The following ALK variants were observed in gnomAD, a reference collection of about 807,000 sequenced individuals.
The protein encoded by ALK is ALK tyrosine kinase receptor.
Under a neutral mutation model 163.1 loss-of-function variants are expected in ALK, and 74 were observed. That is an observed-to-expected ratio of 0.45 (90% confidence interval 0.38 to 0.55). The LOEUF (loss-of-function observed/expected upper bound fraction) is 0.55, where lower values mean the gene tolerates loss of function less well. Ranked by LOEUF, ALK falls within the 20% of genes least tolerant of loss-of-function variation. The pLI is 0.00. For missense variants in ALK, 2,063 were observed against 2,105.3 expected (o/e 0.98, Z 0.39); for synonymous variants, 960 against 843.2 (o/e 1.14, Z -2.40).
At chr2:29,328,021 C>T (rs532725212) in intron 6 of ALK, among the ~76,000 whole-genome samples, 6 of 152,054 alleles carry the variant, frequency 3.9e-5, no homozygotes, top group Non-Finnish European at 8.8e-5. Context: ...ACTTGGAAGG[C>T]GAGGGAAGTC....
At chr2:29,376,773 G>A (rs1353090727) in intron 5 of ALK, among the ~76,000 whole-genome samples, 1 of 152,204 alleles carries the variant, frequency 6.6e-6, no homozygotes, top group Non-Finnish European at 1.5e-5. Flanking sequence ...TTACCCAGCT[G>A]GATTTTGGAG....
At chr2:29,825,732 T>C (rs1463993657) in intron 1 of ALK, among the ~76,000 whole-genome samples, 1 of 151,972 alleles carries the variant, frequency 6.6e-6, no homozygotes, top group African/African-American at 2.4e-5. Context: ...TTTAAATCGT[T>C]GTGTACCAAA....
chr2:29,649,237 AG>A (rs1211620911), intron 3 of ALK, among the ~76,000 whole-genome samples: 73 of 151,550 alleles, frequency 4.8e-4, no homozygotes, highest in Admixed American at 2.4e-3. Flanking sequence ...AGAGAGAGAG[AG>A]AGAGAAAGTG....
chr2:29,647,580 C>T (rs925580755), intron 3 of ALK, among the ~76,000 whole-genome samples: 1 of 152,078 alleles, frequency 6.6e-6, no homozygotes, highest in Non-Finnish European at 1.5e-5. Flanking sequence ...TCTCTTTCAT[C>T]CCACCTCAAG....
At chr2:29,392,018 G>A (rs537710434) in intron 4 of ALK, among the ~76,000 whole-genome samples, 10 of 150,114 alleles carry the variant, frequency 6.7e-5, no homozygotes, top group Non-Finnish European at 1.3e-4. Context: ...AAGCATTAGC[G>A]GATGCTGTTG....
At chr2:29,848,382 C>T (rs899709847) in intron 1 of ALK, among the ~76,000 whole-genome samples, 1 of 150,144 alleles carries the variant, frequency 6.7e-6, no homozygotes, top group Non-Finnish European at 1.5e-5. Flanking sequence ...AGTTTGAGAA[C>T]CACTGAGCTA....
intron 2 of ALK, among the ~76,000 whole-genome samples, chr2:29,716,936 A>G (rs1036786880): frequency 6.7e-6 from 1 of 148,222 alleles, no homozygotes; most frequent in Non-Finnish European, 1.5e-5. Context: ...CGAGGTCAGG[A>G]GATCAAGACC....
At chr2:29,400,724 G>A (rs1266560996) in intron 4 of ALK, among the ~76,000 whole-genome samples, 1 of 152,108 alleles carries the variant, frequency 6.6e-6, no homozygotes, top group Non-Finnish European at 1.5e-5. Context: ...CCTGTGGTCC[G>A]GGTACCTTGG....
chr2:29,754,695 A>G (rs1401483799), intron 1 of ALK, among the ~76,000 whole-genome samples: 1 of 151,514 alleles, frequency 6.6e-6, no homozygotes, highest in African/African-American at 2.4e-5. Context: ...GTCTCAAAAT[A>G]ATAATAATAA....
chr2:29,426,899 A>G (rs1018091420), intron 4 of ALK, among the ~76,000 whole-genome samples: 1 of 151,736 alleles, frequency 6.6e-6, no homozygotes, highest in Non-Finnish European at 1.5e-5. Context: ...TTAACTGAGC[A>G]TAGTGGGGTG....
chr2:29,222,303 C>T (rs2148168373), intron 22 of ALK, 41 bp downstream of exon 22: 1 of 1,586,526 alleles, frequency 6.3e-7, no homozygotes, highest in South Asian at 1.1e-5. Context: ...TCTTTGGGGG[C>T]AGAGGGGAGT....
chr2:29,758,793 T>C (rs1680614110), intron 1 of ALK, among the ~76,000 whole-genome samples: 1 of 152,226 alleles, frequency 6.6e-6, no homozygotes. Flanking sequence ...TTCAAATTCC[T>C]GTTTTCTGGA....
At position 29,421,851 on chromosome 2, in the gene ALK, C is replaced by T. The variant is rs34458749; in HGVS notation, c.1155-37992G>A. ...GAATTTAAACCTTCCTCCAGAGCCC[C>T]ATTCTGCAAATCGGAAACTCTACAG... On this transcript the variant is annotated intron_variant, in intron 4 of 28. Coordinates refer to ENST00000389048, the MANE Select transcript of ALK (RefSeq NM_004304.5). Among the ~76,000 whole-genome samples the T allele has an allele frequency of 2.8e-3, 425 of 151,760 alleles. 2 individuals carry two copies. The highest frequency in any genetic ancestry group is 0.01 in the Middle Eastern group (3 of 294).
At chr2:29,250,235 T>C (rs1185200324) in intron 12 of ALK, among the ~76,000 whole-genome samples, 1 of 152,076 alleles carries the variant, frequency 6.6e-6, no homozygotes, top group Non-Finnish European at 1.5e-5. Context: ...ACTCTGGAGG[T>C]GGAGGCTGCT....
intron 5 of ALK, among the ~76,000 whole-genome samples, chr2:29,363,479 C>T (rs544364917): frequency 6.6e-6 from 1 of 152,204 alleles, no homozygotes; most frequent in Non-Finnish European, 1.5e-5. Flanking sequence ...ATCTCTCACA[C>T]CCTCATGAGA....
At chr2:29,354,206 T>C (rs746197858) in intron 5 of ALK, among the ~76,000 whole-genome samples, 7 of 152,208 alleles carry the variant, frequency 4.6e-5, no homozygotes, top group Non-Finnish European at 8.8e-5. Flanking sequence ...AGGCCAACTG[T>C]GGCTGTTTCC....
At chr2:29,465,305 T>C (rs1244717823) in intron 4 of ALK, among the ~76,000 whole-genome samples, 1 of 152,160 alleles carries the variant, frequency 6.6e-6, no homozygotes, top group African/African-American at 2.4e-5. Context: ...AAAAAGATTG[T>C]CAATTTAGGA....
chr2:29,428,026 C>A (rs1670186408), intron 4 of ALK, among the ~76,000 whole-genome samples: 1 of 151,980 alleles, frequency 6.6e-6, no homozygotes, highest in Admixed American at 6.6e-5. Flanking sequence ...TTCTAAATAA[C>A]CAGTGGGTCA....
Position 29,227,758 on chromosome 2 carries a change from C to T in ALK, c.2816-86G>A. 1 of 1,110,974 alleles carries T rather than the reference C, an allele frequency of 9.0e-7. No homozygotes were observed. Among genetic ancestry groups the T allele is most frequent in the East Asian group, 2.4e-5 (1 of 42,376 alleles). 68.8% of individuals were successfully genotyped at this position (1,110,974 alleles called of 1,614,324 possible). A position where few individuals can be genotyped will look rare whatever the true frequency, so the allele number is the denominator to read the frequency against. ...ACACACGTCAGTGGGGCATGCAGCT[C>T]TGGCCAAAGTTAGGGGGTCACTGGG... On this transcript the variant is annotated intron_variant, in intron 16 of 28. Coordinates refer to ENST00000389048, the MANE Select transcript of ALK (RefSeq NM_004304.5). This position sits in a 1 kb window ranked among gnomAD's most constrained non-coding sequence, Gnocchi z 4.4.
Sources: allele counts gnomAD v4.1 joint callset (sites outside exome capture counted in the v4.1 genomes callset), GRCh38; gene constraint gnomAD v4.1.1; non-coding constraint Gnocchi (gnomAD v3.1); transcripts MANE v1.5; gene names NCBI Gene and HGNC (gene_info 2026-07-23, HGNC 2026-07-21).